The following KCTD8 variants were observed in gnomAD, a reference collection of about 807,000 sequenced individuals.
The protein encoded by KCTD8 is BTB/POZ domain-containing protein KCTD8.
In KCTD8, 27 loss-of-function variants were observed where a neutral mutation model predicts 31.5. The ratio of observed to expected loss-of-function variants is 0.86; its 90% CI spans 0.63 to 1.18. The LOEUF is 1.18. Among genes scored for constraint, KCTD8 ranks in the 50% most tolerant of loss-of-function variants. The probability of loss-of-function intolerance (pLI) is 0.00; values close to 1 mark genes in which losing one functional copy is unlikely to be tolerated. For synonymous variants in KCTD8, 290 were observed against 280.0 expected (o/e 1.04, Z -0.36); for missense variants, 658 against 647.7 (o/e 1.02, Z -0.17).
intron 1 of KCTD8, among the ~76,000 whole-genome samples, chr4:44,391,820 G>A (rs1577651520): frequency 6.6e-6 from 1 of 151,898 alleles, no homozygotes; most frequent in Admixed American, 6.6e-5. Flanking sequence ...GTCATTGTTA[G>A]TGTCACTGTT....
At chr4:44,367,194 G>A (rs778260488) in intron 1 of KCTD8, among the ~76,000 whole-genome samples, 2 of 152,000 alleles carry the variant, frequency 1.3e-5, no homozygotes, top group Non-Finnish European at 2.9e-5. Context: ...CAGGCATAGT[G>A]TCCTCAGGAG....
chr4:44,328,696 T>C (rs1342435808), intron 1 of KCTD8, among the ~76,000 whole-genome samples: 1 of 151,964 alleles, frequency 6.6e-6, no homozygotes, highest in Non-Finnish European at 1.5e-5. Flanking sequence ...CTTTTAAGCT[T>C]TGACAAATAA....
chr4:44,448,794 G>C lies in KCTD8; in HGVS notation c.-271C>G. ...GAAGGAGCTGCTGCTCCTTTGGGGC[G>C]AGGGCGGGGAAGTGTGAGAGAGACT... is the stretch of plus-strand genomic sequence containing the variant. On this transcript the variant is annotated 5_prime_UTR_variant, in exon 1 of 2. Transcript: ENST00000360029. The surrounding 1 kb of genome is among the most constrained non-coding windows in gnomAD (Gnocchi z 4.1). 6.0e-6 allele frequency: 2 copies of C among 332,342 alleles called. No individual in the cohort carries two copies. The highest frequency in any genetic ancestry group is 3.0e-4 in the South Asian group (2 of 6,630). 20.6% of individuals were successfully genotyped at this position (332,342 alleles called of 1,614,324 possible).
intron 1 of KCTD8, among the ~76,000 whole-genome samples, chr4:44,221,771 C>T (rs1047167926): frequency 2.0e-5 from 3 of 152,168 alleles, no homozygotes; most frequent in Non-Finnish European, 2.9e-5. Context: ...CTGCTTTTAT[C>T]CTAGCCAGAC....
chr4:44,307,250 A>C (rs1451653773), intron 1 of KCTD8, among the ~76,000 whole-genome samples: 1 of 152,028 alleles, frequency 6.6e-6, no homozygotes, highest in East Asian at 1.9e-4. Context: ...AAAACTGAAG[A>C]GGCCTTCCAA....
intron 1 of KCTD8, among the ~76,000 whole-genome samples, chr4:44,374,182 A>T (rs1215397188): frequency 6.6e-6 from 1 of 152,178 alleles, no homozygotes; most frequent in Non-Finnish European, 1.5e-5. Flanking sequence ...GTAGACCCAA[A>T]TTTAAAGTGA....
intron 1 of KCTD8, among the ~76,000 whole-genome samples, chr4:44,282,920 GA>G (rs913582889): frequency 1.3e-5 from 2 of 152,012 alleles, no homozygotes; most frequent in Admixed American, 6.6e-5. Context: ...TTCTATAACA[GA>G]AAAAGCCAAA....
intron 1 of KCTD8, among the ~76,000 whole-genome samples, chr4:44,397,133 GATTATGA>G (rs1337115839): frequency 6.6e-6 from 1 of 152,108 alleles, no homozygotes; most frequent in African/African-American, 2.4e-5. Flanking sequence ...TAGATTGCTA[GATTATGA>G]ATTGTGATTG....
intron 1 of KCTD8, among the ~76,000 whole-genome samples, chr4:44,335,371 C>A (rs1465232427): frequency 6.6e-6 from 1 of 151,898 alleles, no homozygotes; most frequent in Non-Finnish European, 1.5e-5. Context: ...AAAATACCTT[C>A]TTTTACATAT....
At chr4:44,350,516 T>A (rs1163787723) in intron 1 of KCTD8, among the ~76,000 whole-genome samples, 1 of 152,202 alleles carries the variant, frequency 6.6e-6, no homozygotes, top group African/African-American at 2.4e-5. Flanking sequence ...TACAAGAGCT[T>A]CTAGCACAAC....
intron 1 of KCTD8, among the ~76,000 whole-genome samples, chr4:44,267,477 T>G (rs1716420447): frequency 6.6e-6 from 1 of 151,968 alleles, no homozygotes; most frequent in Non-Finnish European, 1.5e-5. Flanking sequence ...ACATCACAAT[T>G]AAAAGAACTG....
intron 1 of KCTD8, among the ~76,000 whole-genome samples, chr4:44,189,902 C>T (rs1713711570): frequency 6.6e-6 from 1 of 152,140 alleles, no homozygotes; most frequent in South Asian, 2.1e-4. Context: ...GGTTTCAAAT[C>T]TCAGAGTCAT....
intron 1 of KCTD8, among the ~76,000 whole-genome samples, chr4:44,284,453 C>T (rs1284089048): frequency 1.3e-5 from 2 of 152,106 alleles, no homozygotes; most frequent in South Asian, 2.1e-4. Context: ...CTTTCTTACA[C>T]CTTATACAAA....
chr4:44,356,146 T>C (rs928659186), intron 1 of KCTD8, among the ~76,000 whole-genome samples: 1 of 152,216 alleles, frequency 6.6e-6, no homozygotes, highest in African/African-American at 2.4e-5. Context: ...GAATCTTTCA[T>C]AATTTTCAGA....
chr4:44,342,168 G>A (rs551922989), intron 1 of KCTD8, among the ~76,000 whole-genome samples: 2 of 151,982 alleles, frequency 1.3e-5, no homozygotes, highest in Non-Finnish European at 2.9e-5. Flanking sequence ...TCAGGAGATC[G>A]AGACCATCCT....
intron 1 of KCTD8, among the ~76,000 whole-genome samples, chr4:44,291,441 A>C (rs913723574): frequency 6.6e-6 from 1 of 152,290 alleles, no homozygotes; most frequent in South Asian, 2.1e-4. Context: ...CATATGCAGA[A>C]GAATGAAACT....
At chr4:44,346,797 T>C (rs894317717) in intron 1 of KCTD8, among the ~76,000 whole-genome samples, 1 of 152,140 alleles carries the variant, frequency 6.6e-6, no homozygotes, top group African/African-American at 2.4e-5. Context: ...TATGTTTTAG[T>C]TAAAGGAAAT....
chr4:44,210,863 C>A (rs1027647049), intron 1 of KCTD8, among the ~76,000 whole-genome samples: 2 of 152,132 alleles, frequency 1.3e-5, no homozygotes, highest in African/African-American at 4.8e-5. Flanking sequence ...AAAGCTTGCT[C>A]TCTGAAGGTG....
intron 1 of KCTD8, among the ~76,000 whole-genome samples, chr4:44,324,354 G>A (rs1018863214): frequency 1.3e-5 from 2 of 151,772 alleles, no homozygotes; most frequent in Admixed American, 6.6e-5. Flanking sequence ...CTTTTTTGAT[G>A]GGTACATTCT....
Sources: allele counts gnomAD v4.1 joint callset (sites outside exome capture counted in the v4.1 genomes callset), GRCh38; gene constraint gnomAD v4.1.1; non-coding constraint Gnocchi (gnomAD v3.1); transcripts MANE v1.5; gene names NCBI Gene and HGNC (gene_info 2026-07-23, HGNC 2026-07-21).